Variants in ITPR1 observed in about 807,000 individuals in gnomAD.
ITPR1 encodes inositol 1,4,5-trisphosphate receptor type 1.
A neutral mutation model predicts 318.4 loss-of-function variants in ITPR1; 96 were observed. The ratio of observed to expected loss-of-function variants is 0.30; its 90% CI spans 0.26 to 0.36. The LOEUF (loss-of-function observed/expected upper bound fraction) is 0.36, where lower values mean the gene tolerates loss of function less well. Among genes scored for constraint, ITPR1 ranks in the 10% least tolerant of loss-of-function variants. The pLI is 1.00. For missense variants in ITPR1, 2,440 were observed against 3,460.2 expected (o/e 0.71, Z 7.40); for synonymous variants, 1,312 against 1,289.9 (o/e 1.02, Z -0.37).
At chr3:4,566,419 CTA>C (rs1454115474) in intron 4 of ITPR1, among the ~76,000 whole-genome samples, 4 of 152,134 alleles carry the variant, frequency 2.6e-5, no homozygotes, top group African/African-American at 7.2e-5. Flanking sequence ...GAGCAAACCT[CTA>C]TCTGTTGAAT....
intron 48 of ITPR1, among the ~76,000 whole-genome samples, chr3:4,778,043 A>T (rs550509794): frequency 6.6e-6 from 1 of 152,320 alleles, no homozygotes; most frequent in African/African-American, 2.4e-5. Context: ...AGCTTAACGG[A>T]ATGAAAATCG....
chr3:4,818,011 T>G, intron 59 of ITPR1, 71 bp from the exon 60 acceptor site: 1 of 1,321,098 alleles, frequency 7.6e-7, no homozygotes, highest in Non-Finnish European at 1.0e-6. Flanking sequence ...CTACTGACAG[T>G]TCTGTTATTG....
chr3:4,585,908 A>C (rs2089842801), intron 4 of ITPR1, among the ~76,000 whole-genome samples: 1 of 151,508 alleles, frequency 6.6e-6, no homozygotes. Context: ...TCCTAATGTT[A>C]CCCCTCCCCT....
chr3:4,513,210 T>A (rs550084079), intron 2 of ITPR1, among the ~76,000 whole-genome samples: 43 of 152,138 alleles, frequency 2.8e-4, no homozygotes, highest in Non-Finnish European at 5.4e-4. Flanking sequence ...ACTTTCCACC[T>A]CCACCCCTCC....
At chr3:4,764,962 ATG>A (rs2045712276) in intron 44 of ITPR1, among the ~76,000 whole-genome samples, 1 of 147,738 alleles carries the variant, frequency 6.8e-6, no homozygotes, top group Non-Finnish European at 1.5e-5. Flanking sequence ...GGATGGATGG[ATG>A]GATGGATGGA....
intron 60 of ITPR1, among the ~76,000 whole-genome samples, chr3:4,821,455 T>TCAGGGA (rs1360135866): frequency 6.6e-6 from 1 of 152,202 alleles, no homozygotes; most frequent in East Asian, 1.9e-4. Context: ...GACAGCAGCA[T>TCAGGGA]CAGGGATGGC....
rs201029025 is a variant in ITPR1 at position 4,836,735 on chromosome 3, CT to C, written c.8029-15del. On this transcript the variant is annotated intron_variant, in intron 60 of 61. Transcript: ENST00000649015. ...TTTTTACCTCTAGAAGTGACTCAGTCTTTTTTTTTTTTTTTTTTTTTTTTAA... is the reference window on the plus strand; with the variant it reads ...TTTTTACCTCTAGAAGTGACTCAGTCTTTTTTTTTTTTTTTTTTTTTTTAA... 184,847 of 1,031,334 alleles carry C rather than the reference CT, an allele frequency of 0.18. 366 individuals carry two copies. Among genetic ancestry groups the C allele is most frequent in the African/African-American group, 0.22 (9,133 of 41,958 alleles). The allele number at this position is 1,031,334 out of a possible 1,614,324, so 63.9% of individuals were successfully genotyped here.
chr3:4,640,965 A>G (rs2125151273), intron 6 of ITPR1, among the ~76,000 whole-genome samples: 1 of 152,220 alleles, frequency 6.6e-6, no homozygotes, highest in South Asian at 2.1e-4. Context: ...TATTTATTTT[A>G]GCTAGGGGTC....
At chr3:4,577,418 C>A (rs1476070788) in intron 4 of ITPR1, among the ~76,000 whole-genome samples, 1 of 152,192 alleles carries the variant, frequency 6.6e-6, no homozygotes, top group East Asian at 1.9e-4. Context: ...TGTATTTTCA[C>A]CAAACTTGCA....
At chr3:4,536,448 C>G (rs1344128750) in intron 4 of ITPR1, among the ~76,000 whole-genome samples, 2 of 152,218 alleles carry the variant, frequency 1.3e-5, no homozygotes, top group Non-Finnish European at 2.9e-5. Flanking sequence ...TGGCAAGACT[C>G]TTAGAAACAC....
intron 4 of ITPR1, among the ~76,000 whole-genome samples, chr3:4,545,634 A>G (rs1204067465): frequency 1.3e-5 from 2 of 151,578 alleles, no homozygotes; most frequent in African/African-American, 4.8e-5. Context: ...AAAAAAAAAA[A>G]AAAAAAAGGC....
chr3:4,508,463 T>TG (rs1575348780), intron 2 of ITPR1, among the ~76,000 whole-genome samples: 1 of 151,248 alleles, frequency 6.6e-6, no homozygotes, highest in East Asian at 1.9e-4. Flanking sequence ...AGGTTTTTTT[T>TG]TTTTTTTTTT....
At chr3:4,713,232 T>TG (rs1416580932) in intron 39 of ITPR1, among the ~76,000 whole-genome samples, 2 of 152,230 alleles carry the variant, frequency 1.3e-5, no homozygotes, top group East Asian at 3.8e-4. Context: ...TACAGAAACT[T>TG]GCTCTCCATA....
Position 4,642,316 on chromosome 3 carries a change from G to C in ITPR1, c.525+65G>C, listed in dbSNP as rs909706248. On this transcript the variant is annotated intron_variant, in intron 7 of 61. Transcript: ENST00000649015. The stretch of plus-strand genomic sequence containing the variant: ...TGCTTCCAAGCATGACTGTATATTA[G>C]AGTTAAGGAGGAGACGTTGAAAGTT... The C allele has an allele frequency of 3.6e-5, 46 of 1,284,200 alleles. No homozygotes were observed. In the African/African-American group the frequency reaches 5.7e-4, roughly 16 times the overall value. The allele number at this position is 1,284,200 out of a possible 1,614,324, so 79.6% of individuals were successfully genotyped here. A position where few individuals can be genotyped will look rare whatever the true frequency, so the allele number is the denominator to read the frequency against.
At chr3:4,819,571 G>A (rs1476049953) in intron 60 of ITPR1, among the ~76,000 whole-genome samples, 4 of 152,188 alleles carry the variant, frequency 2.6e-5, no homozygotes, top group Non-Finnish European at 1.5e-5. Flanking sequence ...GGGGTTGTGC[G>A]AATGATGAGG....
chr3:4,801,800 TA>T (rs545654441), intron 54 of ITPR1, among the ~76,000 whole-genome samples: 38 of 151,710 alleles, frequency 2.5e-4, no homozygotes, highest in East Asian at 1.9e-4. Context: ...AAATAATTTT[TA>T]AAAAAAAGGG....
At chr3:4,796,674 T>A (rs182347169) in intron 53 of ITPR1, among the ~76,000 whole-genome samples, 1 of 152,246 alleles carries the variant, frequency 6.6e-6, no homozygotes, top group African/African-American at 2.4e-5. Flanking sequence ...GGACAGGGAG[T>A]TAACAGCCCC....
chr3:4,727,699 C>T (rs11721101), intron 42 of ITPR1, among the ~76,000 whole-genome samples: 33,905 of 151,974 alleles, frequency 0.22, 4,770 homozygotes, highest in East Asian at 0.69. Flanking sequence ...CTCAGCTTCC[C>T]GAGTAGCTGG....
At chr3:4,725,893 T>G (rs1407358949) in intron 41 of ITPR1, among the ~76,000 whole-genome samples, 1 of 152,216 alleles carries the variant, frequency 6.6e-6, no homozygotes, top group African/African-American at 2.4e-5. Flanking sequence ...TTAAGACCTT[T>G]CTGCTGTTAT....
Sources: gnomAD v4.1 joint callset for allele counts (sites outside exome capture counted in the v4.1 genomes callset) on GRCh38, gnomAD v4.1.1 for gene constraint, MANE v1.5 for transcripts, NCBI Gene and HGNC (gene_info 2026-07-23, HGNC 2026-07-21) for gene names.